Variants in RNF207 observed in about 807,000 individuals in gnomAD.
RNF207 encodes the protein OTTHUMG00000001089.
A neutral mutation model predicts 79.0 loss-of-function variants in RNF207; 72 were observed. The ratio of observed to expected loss-of-function variants is 0.91; its 90% CI spans 0.75 to 1.11. RNF207 has a LOEUF of 1.11. RNF207 is among the 50% of genes least tolerant of loss of function. The probability of loss-of-function intolerance (pLI) is 0.00; values close to 1 mark genes in which losing one functional copy is unlikely to be tolerated. For missense variants in RNF207, 936 were observed against 855.8 expected, an observed-to-expected ratio of 1.09 and a Z score of -1.17; for synonymous variants, 348 against 366.2, an observed-to-expected ratio of 0.95 and a Z score of 0.57.
intron 16 of RNF207, among the ~76,000 whole-genome samples, chr1:6,214,659 A>G: frequency 2.3e-5 from 2 of 86,912 alleles, no homozygotes; most frequent in Non-Finnish European, 2.0e-5. Flanking sequence ...TTTTTGAGAC[A>G]GAGTCTCACT....
chr1:6,212,308 C>T lies in RNF207; in HGVS notation c.1374C>T (p.Leu458=). The T allele has an allele frequency of 6.2e-7, 1 of 1,613,976 alleles. No individual in the cohort carries two copies. The highest frequency in any genetic ancestry group is 1.3e-5 in the African/African-American group (1 of 75,024). The change falls in exon 14 of 18, where the codon CTC becomes CTT. Residue 458 remains leucine, a synonymous_variant. Transcript: ENST00000377939. ...LHRDLTKHHS[L]IKAEIMGDVL... is the part of the protein sequence containing the mutation. The stretch of plus-strand genomic sequence containing the variant: ...GAGACCTCACCAAGCACCACTCGCT[C>T]ATCAAGGCGGAGATCATGGGAGACG...
chr1:6,212,127 C>A, intron 13 of RNF207, 74 bp downstream of exon 13: 1 of 1,542,800 alleles, frequency 6.5e-7, no homozygotes, highest in South Asian at 1.2e-5. Context: ...TCAGGGAAAT[C>A]GAGTTCTCCC....
chr1:6,212,116 C>G, intron 13 of RNF207, 63 bp downstream of exon 13: 2 of 1,548,490 alleles, frequency 1.3e-6, no homozygotes, highest in Non-Finnish European at 8.8e-7. Context: ...CCAAGGTACG[C>G]TCAGGGAAAT....
intron 7 of RNF207, among the ~76,000 whole-genome samples, 167 bp from the exon 8 acceptor site, chr1:6,209,757 C>T (rs1278334441): frequency 1.3e-5 from 2 of 152,016 alleles, no homozygotes; most frequent in Non-Finnish European, 2.9e-5. Flanking sequence ...GGGGAGGTGA[C>T]ATTTAAGGTG....
At chr1:6,219,213 C>G in intron 17 of RNF207, 23 bp from the exon 18 acceptor site, 1 of 1,586,074 alleles carries the variant, frequency 6.3e-7, no homozygotes, top group Non-Finnish European at 8.6e-7. Flanking sequence ...GCGGGCTGGG[C>G]TTACATGAGG....
chr1:6,209,652 C>T lies in RNF207; in HGVS notation c.753+113C>T, dbSNP rs938082255. On this transcript the variant is annotated intron_variant, in intron 7 of 17. Transcript: ENST00000377939. ...GTGGGGCAGCAGGCCTTGCACCAAG[C>T]ACTTTCCTGGAGTTGCTAGGAGAGC... 4.2e-5 allele frequency: 54 copies of T among 1,285,680 alleles called. 1 individual carries two copies. In the African/African-American group the frequency reaches 7.7e-4, roughly 18 times the overall value. The allele number at this position is 1,285,680 out of a possible 1,614,324, so 79.6% of individuals were successfully genotyped here.
At position 6,219,524 on chromosome 1, in the gene RNF207, G is replaced by A. The variant is rs1300290338; in HGVS notation, c.*117G>A. 2.2e-5 allele frequency: 16 copies of A among 728,948 alleles called. No homozygotes were observed. Among genetic ancestry groups the A allele is most frequent in the East Asian group, 5.8e-5 (2 of 34,566 alleles). The allele number at this position is 728,948 out of a possible 1,614,324, so 45.2% of individuals were successfully genotyped here. A position where few individuals can be genotyped will look rare whatever the true frequency, so the allele number is the denominator to read the frequency against. On this transcript the variant is annotated 3_prime_UTR_variant, in exon 18 of 18. Coordinates refer to ENST00000377939, the MANE Select transcript of RNF207 (RefSeq NM_207396.3). ...TTTTTTATTTTTGAGATGGAGTTTC[G>A]CTCTGTTGCCCAGGCTGGAGTGTAA...
intron 3 of RNF207, chr1:6,208,654 C>T: frequency 1.8e-6 from 1 of 544,936 alleles, no homozygotes; most frequent in Admixed American, 3.7e-5. Context: ...CCCCGCGTCC[C>T]CCACCCCCCT....
intron 17 of RNF207, among the ~76,000 whole-genome samples, chr1:6,218,630 AC>A (rs1668445547): frequency 6.6e-6 from 1 of 152,104 alleles, no homozygotes; most frequent in African/African-American, 2.4e-5. Flanking sequence ...GCCTGCATCC[AC>A]TTTCACCACT....
intron 13 of RNF207, 83 bp downstream of exon 13, chr1:6,212,136 C>T: frequency 1.3e-6 from 2 of 1,545,816 alleles, no homozygotes; most frequent in Middle Eastern, 1.7e-4. Context: ...TCGAGTTCTC[C>T]CAGCTGCTGA....
chr1:6,212,176 T>C, intron 13 of RNF207, 55 bp from the exon 14 acceptor site: 1 of 1,568,720 alleles, frequency 6.4e-7, no homozygotes, highest in South Asian at 1.2e-5. Context: ...ACCAAGTCCA[T>C]GGCAGTAAAA....
chr1:6,206,707 C>T lies in RNF207; in HGVS notation c.172C>T (p.Leu58Phe), dbSNP rs1183277331. ...CLRGRATDGRLTCPLCQHQTV... is the reference protein window; with the variant it reads ...CLRGRATDGRFTCPLCQHQTV... ...GCGTGGCCGCGCGACCGACGGCCGC[C>T]TCACCTGCCCGCTGTGCCAGTAAGT... Residue 58 changes from leucine to phenylalanine, a missense_variant, in exon 2 of 18, where the codon CTC becomes TTC. Leu to Phe is a conservative substitution (Grantham distance 22). Transcript: ENST00000377939. 6.2e-7 allele frequency: 1 copy of T among 1,601,628 alleles called. No homozygotes were observed. Among genetic ancestry groups the T allele is most frequent in the South Asian group, 1.1e-5 (1 of 91,004 alleles).
At chr1:6,212,887 C>T in intron 15 of RNF207, 154 bp downstream of exon 15, 1 of 794,160 alleles carries the variant, frequency 1.3e-6, no homozygotes, top group Non-Finnish European at 2.2e-6. Flanking sequence ...TAACTGGCCT[C>T]AAATGATGCA....
rs143666755 is a variant in RNF207, at chr1:6,218,266, T to C, written c.1653-23T>C. 6.7e-4 allele frequency: 1,063 copies of C among 1,592,096 alleles called. 4 individuals are homozygous for C. In the African/African-American group the frequency reaches 0.013, roughly 19 times the overall value. On this transcript the variant is annotated intron_variant, in intron 16 of 17. Transcript: ENST00000377939. Reference sequence around the variant, plus strand: ...GCAGCTGGCTCTGCTCCCTTGAGATTCTGGTGCCCACTCCCTTGCCAGGTT... The same window carrying C: ...GCAGCTGGCTCTGCTCCCTTGAGATCCTGGTGCCCACTCCCTTGCCAGGTT...
At chr1:6,210,995 C>T in intron 11 of RNF207, 26 bp from the exon 12 acceptor site, 1 of 1,601,100 alleles carries the variant, frequency 6.2e-7, no homozygotes, top group South Asian at 1.1e-5. Context: ...GTGGAGGCCA[C>T]CTCATGACCC....
At position 6,207,575 on chromosome 1, in the gene RNF207, T is replaced by G. The variant is rs779897383; in HGVS notation, c.324+64T>G. Reference sequence around the variant, plus strand: ...ACCCGGTTGCACAGTCCCCAATGCTTGCACATGCACTCAGCATGTCTTCAG... The same window carrying G: ...ACCCGGTTGCACAGTCCCCAATGCTGGCACATGCACTCAGCATGTCTTCAG... On this transcript the variant is annotated intron_variant, in intron 3 of 17. Coordinates refer to ENST00000377939, the MANE Select transcript of RNF207 (RefSeq NM_207396.3). This position sits in a 1 kb window ranked among gnomAD's most constrained non-coding sequence, Gnocchi z 4.5. 19 of 1,514,102 alleles carry G rather than the reference T, an allele frequency of 1.3e-5. No individual in the cohort carries two copies. In the East Asian group the frequency reaches 4.3e-4, roughly 34 times the overall value. The allele number at this position is 1,514,102 out of a possible 1,614,324, so 93.8% of individuals were successfully genotyped here. A position where few individuals can be genotyped will look rare whatever the true frequency, so the allele number is the denominator to read the frequency against.
intron 10 of RNF207, 80 bp from the exon 11 acceptor site, chr1:6,210,790 G>T: frequency 7.9e-7 from 1 of 1,273,286 alleles, no homozygotes; most frequent in Non-Finnish European, 1.1e-6. Flanking sequence ...AAAGACAGAC[G>T]TGCTCCGCCT....
Position 6,219,474 on chromosome 1 carries a change from G to T in RNF207, c.*67G>T. ...ACAAGACTGGGACACTGGACAGAAG[G>T]TTGTTCCCATGATGGTTTTTTTTAT... On this transcript the variant is annotated 3_prime_UTR_variant, in exon 18 of 18. Coordinates refer to ENST00000377939, the MANE Select transcript of RNF207 (RefSeq NM_207396.3). The T allele has an allele frequency of 8.4e-7, 1 of 1,185,304 alleles. No homozygotes were observed. The highest frequency in any genetic ancestry group is 3.0e-4 in the Middle Eastern group (1 of 3,330). 73.4% of individuals were successfully genotyped at this position (1,185,304 alleles called of 1,614,324 possible). A position where few individuals can be genotyped will look rare whatever the true frequency, so the allele number is the denominator to read the frequency against.
rs373129151 is a variant in RNF207 at position 6,209,107 on chromosome 1, C to A, written c.470-8C>A. The A allele has an allele frequency of 3.9e-4, 602 of 1,551,414 alleles. 13 individuals are homozygous for A. In the East Asian group the frequency reaches 0.01, roughly 26 times the overall value. ...CGGAGCCCTCACCACCGCCCGCCGC[C>A]CCCGCAGCGCTGCACGCAGAGCCCT... On this transcript the variant is annotated splice_polypyrimidine_tract_variant and splice_region_variant and intron_variant, in intron 4 of 17. Transcript: ENST00000377939.
Sources: allele counts gnomAD v4.1 joint callset (sites outside exome capture counted in the v4.1 genomes callset), GRCh38; gene constraint gnomAD v4.1.1; non-coding constraint Gnocchi (gnomAD v3.1); transcripts MANE v1.5; gene names NCBI Gene and HGNC (gene_info 2026-07-23, HGNC 2026-07-21).